Variants in SMAD1 observed in about 807,000 individuals in gnomAD.
The protein encoded by SMAD1 is SMAD family member 1.
Under a neutral mutation model 41.6 loss-of-function variants are expected in SMAD1, and 6 were observed. The observed-to-expected ratio is 0.14, with a 90% confidence interval of 0.08 to 0.28. The LOEUF (loss-of-function observed/expected upper bound fraction) is 0.28, where lower values mean the gene tolerates loss of function less well. Among genes scored for constraint, SMAD1 ranks in the 10% least tolerant of loss-of-function variants. The pLI is 1.00. For missense variants in SMAD1, 379 were observed against 582.6 expected (o/e 0.65, Z 3.60); for synonymous variants, 206 against 203.2 (o/e 1.01, Z -0.12).
intron 3 of SMAD1, among the ~76,000 whole-genome samples, chr4:145,541,793 A>G (rs896792142): frequency 5.9e-5 from 9 of 152,204 alleles, no homozygotes; most frequent in African/African-American, 1.9e-4. Context: ...CATATGCTAG[A>G]TGGGCTCATG....
At chr4:145,491,191 C>A (rs1170107058) in intron 1 of SMAD1, among the ~76,000 whole-genome samples, 1 of 152,164 alleles carries the variant, frequency 6.6e-6, no homozygotes, top group Non-Finnish European at 1.5e-5. Context: ...TTGTTCTTTA[C>A]AAGAAAGACT....
intron 5 of SMAD1, among the ~76,000 whole-genome samples, chr4:145,552,297 G>T (rs17020317): frequency 6.6e-6 from 1 of 152,044 alleles, no homozygotes; most frequent in Non-Finnish European, 1.5e-5. Flanking sequence ...AATCCTAACC[G>T]CTGTGTATAC....
chr4:145,555,008 A>G (rs1331588227), intron 6 of SMAD1, among the ~76,000 whole-genome samples: 1 of 152,112 alleles, frequency 6.6e-6, no homozygotes, highest in African/African-American at 2.4e-5. Context: ...CTTTTCCTGA[A>G]TATAGTTACT....
intron 1 of SMAD1, among the ~76,000 whole-genome samples, chr4:145,496,009 G>A (rs1168832016): frequency 6.6e-6 from 1 of 152,004 alleles, no homozygotes; most frequent in African/African-American, 2.4e-5. Flanking sequence ...AGAGCTAATG[G>A]TGCCAATTTT....
chr4:145,526,729 A>G (rs540555332), intron 2 of SMAD1, among the ~76,000 whole-genome samples: 1 of 152,176 alleles, frequency 6.6e-6, no homozygotes, highest in East Asian at 1.9e-4. Context: ...ATTGCCAACC[A>G]GTAAATGTGG....
chr4:145,522,078 C>T (rs996529069), intron 2 of SMAD1, among the ~76,000 whole-genome samples: 2 of 152,176 alleles, frequency 1.3e-5, no homozygotes, highest in African/African-American at 2.4e-5. Flanking sequence ...GAGGCCAAGG[C>T]GGGCGGATCA....
chr4:145,558,056 A>C lies in SMAD1; in HGVS notation c.*122A>C. 1 of 549,454 alleles carries C rather than the reference A, an allele frequency of 1.8e-6. No individual in the cohort carries two copies. Among genetic ancestry groups the C allele is most frequent in the Non-Finnish European group, 2.9e-6 (1 of 341,604 alleles). The allele number at this position is 549,454 out of a possible 1,614,324, so 34.0% of individuals were successfully genotyped here. ...TGATAATACTTGACCTCTGTGACCA[A>C]CTGTTGGATTCAGAAATTTAAACAA... is the stretch of plus-strand genomic sequence containing the variant. On this transcript the variant is annotated 3_prime_UTR_variant, in exon 7 of 7. Coordinates refer to ENST00000302085, the MANE Select transcript of SMAD1 (RefSeq NM_005900.3).
intron 2 of SMAD1, among the ~76,000 whole-genome samples, chr4:145,516,633 C>T (rs555026065): frequency 1.3e-5 from 2 of 152,140 alleles, no homozygotes; most frequent in Admixed American, 1.3e-4. Context: ...TATAGACGTT[C>T]TTTACTGCTT....
Position 145,487,760 on chromosome 4 carries a change from G to A in SMAD1, c.-177+5722G>A, listed in dbSNP as rs2126931983. On this transcript the variant is annotated intron_variant, in intron 1 of 6. Transcript: ENST00000302085. ...TTAAGATGGTGTCAGTTTTAGAGGT[G>A]CAGGGCTAGTCCTATATGCAAAACA... 1.3e-5 allele frequency among the ~76,000 whole-genome samples: 2 copies of A among 152,314 alleles called. 1 individual carries two copies. The highest frequency in any genetic ancestry group is 2.9e-5 in the Non-Finnish European group (2 of 68,010).
intron 2 of SMAD1, among the ~76,000 whole-genome samples, chr4:145,528,061 A>T (rs1724969237): frequency 1.7e-5 from 1 of 59,074 alleles, no homozygotes; most frequent in Non-Finnish European, 2.9e-5. Flanking sequence ...TTTTGTTTGT[A>T]CACACACACA....
At position 145,558,771 on chromosome 4, in the gene SMAD1, G is replaced by A. The variant is rs1368154434; in HGVS notation, c.*837G>A. ...TCTTTTTTCTCATACTCTTCAAAAA[G>A]CAGTTCTGCAGCTGGTTAATTCATG... is the stretch of plus-strand genomic sequence containing the variant. On this transcript the variant is annotated 3_prime_UTR_variant, in exon 7 of 7. Coordinates refer to ENST00000302085, the MANE Select transcript of SMAD1 (RefSeq NM_005900.3). Among the ~76,000 whole-genome samples the A allele has an allele frequency of 6.6e-6, 1 of 151,910 alleles. No individual in the cohort carries two copies. The highest frequency in any genetic ancestry group is 2.4e-5 in the African/African-American group (1 of 41,342).
intron 1 of SMAD1, among the ~76,000 whole-genome samples, chr4:145,505,771 T>G (rs1729740861): frequency 2.0e-5 from 3 of 152,168 alleles, no homozygotes; most frequent in African/African-American, 4.8e-5. Context: ...TCTGGCGATG[T>G]AAGTCTGGAA....
intron 6 of SMAD1, among the ~76,000 whole-genome samples, chr4:145,554,424 CT>C (rs1465321920): frequency 6.6e-6 from 1 of 151,644 alleles, no homozygotes. Flanking sequence ...GTTTTTTGTA[CT>C]TTTATGATGG....
chr4:145,553,652 C>A, intron 5 of SMAD1, 132 bp from the exon 6 acceptor site: 2 of 804,626 alleles, frequency 2.5e-6, no homozygotes, highest in Non-Finnish European at 4.0e-6. Flanking sequence ...TTGTACAGGA[C>A]CTAGAGAATA....
chr4:145,496,094 A>G (rs1373954644), intron 1 of SMAD1, among the ~76,000 whole-genome samples: 2 of 151,718 alleles, frequency 1.3e-5, no homozygotes, highest in Admixed American at 6.6e-5. Context: ...TAATTTTGTC[A>G]CTGCTGCCTT....
At chr4:145,507,597 A>G (rs1729861149) in intron 1 of SMAD1, among the ~76,000 whole-genome samples, 1 of 150,922 alleles carries the variant, frequency 6.6e-6, no homozygotes, top group Admixed American at 6.6e-5. Flanking sequence ...CTTAGAGTAA[A>G]TTTCTGAAGA....
intron 3 of SMAD1, among the ~76,000 whole-genome samples, chr4:145,542,242 A>T (rs912834122): frequency 6.6e-6 from 1 of 152,248 alleles, no homozygotes; most frequent in Admixed American, 6.5e-5. Context: ...ACTGAAATGC[A>T]GAGGTCCTCT....
At position 145,482,234 on chromosome 4, in the gene SMAD1, C is replaced by CA. The variant is rs1728223012; in HGVS notation, c.-177+196_-177+197insA. Among the ~76,000 whole-genome samples, 1 of 149,570 alleles carries CA rather than the reference C, an allele frequency of 6.7e-6. No homozygotes were observed. Among genetic ancestry groups the CA allele is most frequent in the South Asian group, 2.1e-4 (1 of 4,756 alleles). On this transcript the variant is annotated intron_variant, in intron 1 of 6. Transcript: ENST00000302085. The surrounding 1 kb of genome is among the most constrained non-coding windows in gnomAD (Gnocchi z 4.2). ...CGGGGCGGGCCGCGACCCCCCCCCC[C>CA]CATGATGGCGCCTCCCGTCTGCTCG...
intron 6 of SMAD1, among the ~76,000 whole-genome samples, chr4:145,555,284 C>G (rs1732776435): frequency 6.6e-6 from 1 of 152,142 alleles, no homozygotes; most frequent in Non-Finnish European, 1.5e-5. Context: ...GCATTTGGCT[C>G]AAATGATTTT....
Sources: allele counts gnomAD v4.1 joint callset (sites outside exome capture counted in the v4.1 genomes callset), GRCh38; gene constraint gnomAD v4.1.1; non-coding constraint Gnocchi (gnomAD v3.1); transcripts MANE v1.5; gene names NCBI Gene and HGNC (gene_info 2026-07-23, HGNC 2026-07-21).